The following CYP19A1 variants were observed in gnomAD, a reference collection of about 807,000 sequenced individuals.
CYP19A1 encodes cytochrome P450 family 19 subfamily A member 1.
CYP19A1 carries 32 observed loss-of-function variants against 44.4 expected under a neutral mutation model. The ratio of observed to expected loss-of-function variants is 0.72; its 90% confidence interval spans 0.54 to 0.97. The LOEUF (loss-of-function observed/expected upper bound fraction) is 0.97. CYP19A1 is among the 50% of genes least tolerant of loss of function. CYP19A1 has a pLI of 0.00. For missense variants in CYP19A1, 598 were observed against 637.8 expected, an observed-to-expected ratio of 0.94 and a Z score of 0.67; for synonymous variants, 212 against 215.6, an observed-to-expected ratio of 0.98 and a Z score of 0.14.
chr15:51,323,911 G>A (rs1388738135), intron 1 of CYP19A1: 1 of 152,184 alleles, frequency 6.6e-6, no homozygotes, highest in Admixed American at 6.5e-5. Flanking sequence ...TCACCACAGG[G>A]TTTCTGACAC....
intron 1 of CYP19A1, among the ~76,000 whole-genome samples, chr15:51,249,606 G>A (rs898833078): frequency 2.0e-5 from 3 of 152,160 alleles, no homozygotes; most frequent in African/African-American, 7.2e-5. Context: ...CTAGACGCGG[G>A]AGGCAGTAAG....
chr15:51,325,065 T>G (rs1326510820), intron 1 of CYP19A1, among the ~76,000 whole-genome samples: 2 of 152,084 alleles, frequency 1.3e-5, no homozygotes, highest in East Asian at 3.9e-4. Flanking sequence ...CAGGTAAAAT[T>G]TCCAAGTTTA....
intron 6 of CYP19A1, among the ~76,000 whole-genome samples, chr15:51,217,156 A>G (rs1005086696): frequency 8.5e-5 from 13 of 152,214 alleles, no homozygotes; most frequent in Non-Finnish European, 1.3e-4. Flanking sequence ...GTAGGCTGAG[A>G]ATGCTCATAG....
chr15:51,218,239 T>C (rs1195380972), intron 6 of CYP19A1, among the ~76,000 whole-genome samples: 1 of 152,162 alleles, frequency 6.6e-6, no homozygotes, highest in Non-Finnish European at 1.5e-5. Flanking sequence ...ACAGGATCAG[T>C]CGACCCTTCT....
chr15:51,298,439 G>A (rs539475653), intron 1 of CYP19A1, among the ~76,000 whole-genome samples: 2 of 152,288 alleles, frequency 1.3e-5, no homozygotes, highest in African/African-American at 4.8e-5. Flanking sequence ...GATCTTTGTG[G>A]AAAGAGCATT....
At chr15:51,304,987 C>T (rs1830458111) in intron 1 of CYP19A1, among the ~76,000 whole-genome samples, 1 of 148,366 alleles carries the variant, frequency 6.7e-6, no homozygotes, top group African/African-American at 2.5e-5. Context: ...GGAACCTCCG[C>T]CTTCCAGGTT....
chr15:51,214,706 G>C (rs1043240747), intron 8 of CYP19A1, among the ~76,000 whole-genome samples: 2 of 152,162 alleles, frequency 1.3e-5, no homozygotes, highest in Non-Finnish European at 2.9e-5. Context: ...ATGTGTTTGT[G>C]GGCAAATAGA....
intron 2 of CYP19A1, among the ~76,000 whole-genome samples, chr15:51,239,775 A>G (rs1480849995): frequency 2.0e-5 from 3 of 152,186 alleles, no homozygotes; most frequent in Non-Finnish European, 2.9e-5. Context: ...CTGCATTGTG[A>G]TGGCAAATTT....
intron 4 of CYP19A1, among the ~76,000 whole-genome samples, chr15:51,225,967 T>C (rs1401703365): frequency 6.6e-6 from 1 of 151,660 alleles, no homozygotes; most frequent in East Asian, 1.9e-4. Context: ...TGGGCACCTG[T>C]AGTCCCAGCT....
At chr15:51,235,518 C>T (rs1349694885) in intron 3 of CYP19A1, among the ~76,000 whole-genome samples, 4 of 152,318 alleles carry the variant, frequency 2.6e-5, no homozygotes, top group South Asian at 2.1e-4. Flanking sequence ...TGTGTGAGGT[C>T]TGCCTCAGCT....
At chr15:51,322,567 A>G (rs1318764264) in intron 1 of CYP19A1, among the ~76,000 whole-genome samples, 1 of 152,212 alleles carries the variant, frequency 6.6e-6, no homozygotes, top group African/African-American at 2.4e-5. Context: ...CCTCCAATAT[A>G]TAAAATATAT....
At chr15:51,255,810 A>G (rs996248017) in intron 1 of CYP19A1, 1 of 152,180 alleles carries the variant, frequency 6.6e-6, no homozygotes, top group Non-Finnish European at 1.5e-5. Flanking sequence ...AGCACCCTGG[A>G]GGTGACAAGC....
At chr15:51,260,675 G>C (rs2034679968) in intron 1 of CYP19A1, among the ~76,000 whole-genome samples, 3 of 152,152 alleles carry the variant, frequency 2.0e-5, no homozygotes, top group Admixed American at 6.5e-5. Flanking sequence ...TTTAAACACA[G>C]GGCTTGTAAC....
intron 2 of CYP19A1, among the ~76,000 whole-genome samples, chr15:51,238,399 T>C (rs1386517436): frequency 6.6e-6 from 1 of 152,250 alleles, no homozygotes; most frequent in Non-Finnish European, 1.5e-5. Context: ...ATTTATAGCT[T>C]GGCACATTGT....
intron 1 of CYP19A1, chr15:51,321,951 A>AG (rs1257209411): frequency 2.2e-5 from 3 of 133,516 alleles, no homozygotes; most frequent in East Asian, 3.9e-4. Context: ...GTTTAGGGGA[A>AG]AAAAAAAAAA....
In CYP19A1 at chr15:51,210,171, G is replaced by A. The variant is rs1383082428; in HGVS notation, c.*637C>T. The A allele has an allele frequency of 1.1e-5, 4 of 356,586 alleles. No homozygotes were observed. Among genetic ancestry groups the A allele is most frequent in the Admixed American group, 3.8e-5 (1 of 26,040 alleles). 22.1% of individuals were successfully genotyped at this position (356,586 alleles called of 1,614,324 possible). ...CAGGCAAGTGGCTGAGGCATAAATCGACAGACTGGGAAAGAATTTCCTCTG... is the reference window on the plus strand; with the variant it reads ...CAGGCAAGTGGCTGAGGCATAAATCAACAGACTGGGAAAGAATTTCCTCTG... On this transcript the variant is annotated 3_prime_UTR_variant, in exon 10 of 10. Coordinates refer to ENST00000396402, the MANE Select transcript of CYP19A1 (RefSeq NM_000103.4).
chr15:51,239,357 C>T (rs79767227), intron 2 of CYP19A1, among the ~76,000 whole-genome samples: 16,001 of 152,154 alleles, frequency 0.11, 1,268 homozygotes, highest in South Asian at 0.27. Flanking sequence ...TTCAGAACAG[C>T]CCTGTTCACA....
intron 1 of CYP19A1, among the ~76,000 whole-genome samples, chr15:51,250,195 G>C (rs537655646): frequency 6.6e-6 from 1 of 152,320 alleles, no homozygotes; most frequent in East Asian, 1.9e-4. Context: ...GTGTATGAAA[G>C]GTACCTGCTG....
At chr15:51,277,828 A>T (rs911646942) in intron 1 of CYP19A1, among the ~76,000 whole-genome samples, 41 of 152,272 alleles carry the variant, frequency 2.7e-4, no homozygotes, top group African/African-American at 7.5e-4. Flanking sequence ...ACGTTTTTTT[A>T]AAAAAATCAA....
Sources: gnomAD v4.1 joint callset for allele counts (sites outside exome capture counted in the v4.1 genomes callset) on GRCh38, gnomAD v4.1.1 for gene constraint, MANE v1.5 for transcripts, NCBI Gene and HGNC (gene_info 2026-07-23, HGNC 2026-07-21) for gene names.